PWP1: variants seen among roughly 807,000 people sequenced by gnomAD.
The protein encoded by PWP1 is periodic tryptophan protein 1 homolog.
PWP1 carries 47 observed loss-of-function variants against 69.9 expected under a neutral mutation model. The ratio of observed to expected loss-of-function variants is 0.67; its 90% CI spans 0.53 to 0.86. The LOEUF is 0.86. PWP1 is among the 40% of genes least tolerant of loss of function. The probability of loss-of-function intolerance (pLI) is 0.00; values close to 1 mark genes in which losing one functional copy is unlikely to be tolerated. For missense variants in PWP1, 551 were observed against 608.8 expected (o/e 0.91, Z 1.00); for synonymous variants, 222 against 208.2 (o/e 1.07, Z -0.57).
chr12:107,703,838 C>T, intron 10 of PWP1, 92 bp downstream of exon 10: 4 of 1,154,000 alleles, frequency 3.5e-6, no homozygotes, highest in Non-Finnish European at 3.9e-6. Context: ...CAGAATGTAT[C>T]CTTGAGGCCA....
intron 8 of PWP1, among the ~76,000 whole-genome samples, chr12:107,701,254 A>G (rs1889703621): frequency 6.6e-6 from 1 of 152,082 alleles, no homozygotes; most frequent in African/African-American, 2.4e-5. Flanking sequence ...CAGCCTCCCA[A>G]AGTGCTGGGA....
intron 14 of PWP1, 36 bp from the exon 15 acceptor site, chr12:107,712,075 A>T (rs1889962669): frequency 6.6e-7 from 1 of 1,526,098 alleles, no homozygotes; most frequent in Non-Finnish European, 9.1e-7. Context: ...TAATTTCCTG[A>T]TCTGTTAGTT....
chr12:107,685,867 T>A lies in PWP1; in HGVS notation c.-33T>A. On this transcript the variant is annotated 5_prime_UTR_variant, in exon 1 of 15. Coordinates refer to ENST00000412830, the MANE Select transcript of PWP1 (RefSeq NM_007062.3). The stretch of plus-strand genomic sequence containing the variant: ...CGTGGTCCCTCCCTATGCAGCCTGG[T>A]TTCTAGCGTGACACGCCCTTGACTT... 1.2e-6 allele frequency: 2 copies of A among 1,612,730 alleles called. No individual in the cohort carries two copies. The highest frequency in any genetic ancestry group is 1.7e-6 in the Non-Finnish European group (2 of 1,179,210).
chr12:107,699,312 A>G (rs1889656413), intron 7 of PWP1, 61 bp from the exon 8 acceptor site: 2 of 1,234,300 alleles, frequency 1.6e-6, no homozygotes, highest in East Asian at 4.7e-5. Context: ...GCAGATTAAT[A>G]TATTCAGTTT....
At chr12:107,695,343 CCA>C (rs1234929793) in intron 5 of PWP1, among the ~76,000 whole-genome samples, 3 of 152,020 alleles carry the variant, frequency 2.0e-5, no homozygotes, top group Non-Finnish European at 4.4e-5. Flanking sequence ...TTTTGTAGAA[CCA>C]CAGTCTAATA....
Position 107,692,249 on chromosome 12 carries a change from C to T in PWP1, c.320-565C>T, listed in dbSNP as rs140695212. 2.5e-4 allele frequency among the ~76,000 whole-genome samples: 38 copies of T among 152,294 alleles called. No individual in the cohort carries two copies. In the East Asian group the frequency reaches 6.0e-3, roughly 24 times the overall value. The stretch of plus-strand genomic sequence containing the variant: ...TTCCTGAGTTATCCTTTGTTACCAT[C>T]GTAGATGTGCCATAAAAGAATAATT... On this transcript the variant is annotated intron_variant, in intron 3 of 14. Coordinates refer to ENST00000412830, the MANE Select transcript of PWP1 (RefSeq NM_007062.3).
At position 107,708,999 on chromosome 12, in the gene PWP1, A is replaced by C; in HGVS notation, c.1151A>C (p.His384Pro). The C allele has an allele frequency of 6.2e-7, 1 of 1,613,890 alleles. No individual in the cohort carries two copies. Among genetic ancestry groups the C allele is most frequent in the South Asian group, 1.1e-5 (1 of 91,072 alleles). ...SDKPIFTLNA[H>P]NDEISGLDLS... Reference sequence around the variant, plus strand: ...AAGCCAATTTTTACACTTAATGCACACAATGATGAAATCTCTGGTGAGCAA... The same window carrying C: ...AAGCCAATTTTTACACTTAATGCACCCAATGATGAAATCTCTGGTGAGCAA... The change falls in exon 12 of 15, where the codon CAC becomes CCC. Residue 384 changes from histidine to proline, a missense_variant. Coordinates refer to ENST00000412830, the MANE Select transcript of PWP1 (RefSeq NM_007062.3).
intron 1 of PWP1, among the ~76,000 whole-genome samples, chr12:107,686,767 G>T (rs376393772): frequency 2.0e-5 from 3 of 152,006 alleles, no homozygotes; most frequent in Admixed American, 6.6e-5. Context: ...GAGATCGAGA[G>T]CATCCTGGCT....
In PWP1 at chr12:107,697,495, C is replaced by T. The variant is rs145716869; in HGVS notation, c.642C>T (p.Thr214=). Residue 214 remains threonine (T), a synonymous_variant, in exon 7 of 15, where the codon ACC becomes ACT. Coordinates refer to ENST00000412830, the MANE Select transcript of PWP1 (RefSeq NM_007062.3). ...ATTACATTGCTGTAGGAAACATGAC[C>T]CCTGTTATTGAAGTGTGGGACCTTG... ...TGNYIAVGNM[T]PVIEVWDLDI... is the part of the protein sequence containing the mutation. 2 of 1,600,152 alleles carry T rather than the reference C, an allele frequency of 1.2e-6. No individual in the cohort carries two copies. Among genetic ancestry groups the T allele is most frequent in the Non-Finnish European group, 1.7e-6 (2 of 1,174,666 alleles).
At chr12:107,702,189 TC>T (rs1889726602) in intron 8 of PWP1, among the ~76,000 whole-genome samples, 1 of 152,204 alleles carries the variant, frequency 6.6e-6, no homozygotes, top group African/African-American at 2.4e-5. Flanking sequence ...GTTCTTTTTT[TC>T]AGTACTATTT....
intron 11 of PWP1, among the ~76,000 whole-genome samples, chr12:107,707,607 G>T (rs746732865): frequency 7.2e-5 from 11 of 152,114 alleles, no homozygotes; most frequent in Admixed American, 3.3e-4. Context: ...TAGCATGAAG[G>T]GCTGTTGAAT....
intron 6 of PWP1, among the ~76,000 whole-genome samples, 157 bp from the exon 7 acceptor site, chr12:107,697,309 CA>C (rs1889608101): frequency 6.6e-6 from 1 of 152,184 alleles, no homozygotes; most frequent in South Asian, 2.1e-4. Context: ...ACCTGAAATA[CA>C]ATCTGCATTT....
At chr12:107,697,655 AG>A in intron 7 of PWP1, 58 bp downstream of exon 7, 1 of 1,495,022 alleles carries the variant, frequency 6.7e-7, no homozygotes, top group Non-Finnish European at 9.2e-7. Context: ...ACTCGGGAGT[AG>A]GGGTGAAGGG....
intron 1 of PWP1, among the ~76,000 whole-genome samples, chr12:107,687,921 C>T (rs752269987): frequency 6.6e-6 from 1 of 150,586 alleles, no homozygotes; most frequent in Non-Finnish European, 1.5e-5. Context: ...ATCCCAGCTG[C>T]TCAAGAGGCT....
chr12:107,686,303 C>A (rs1356989276), intron 1 of PWP1, among the ~76,000 whole-genome samples: 1 of 152,192 alleles, frequency 6.6e-6, no homozygotes, highest in African/African-American at 2.4e-5. Context: ...TTTGACAACA[C>A]CACTAGCTTC....
At chr12:107,711,260 A>C (rs918661779) in intron 14 of PWP1, among the ~76,000 whole-genome samples, 36 of 152,214 alleles carry the variant, frequency 2.4e-4, no homozygotes, top group Non-Finnish European at 3.1e-4. Context: ...AATGCCTTTA[A>C]GCAGTTTTCC....
At chr12:107,691,962 T>A (rs189680894) in intron 3 of PWP1, among the ~76,000 whole-genome samples, 1 of 152,328 alleles carries the variant, frequency 6.6e-6, no homozygotes, top group Non-Finnish European at 1.5e-5. Flanking sequence ...TTCATTCTTT[T>A]CACTGCATCT....
chr12:107,704,897 A>T (rs1342776883), intron 11 of PWP1, 150 bp downstream of exon 11: 17 of 566,982 alleles, frequency 3.0e-5, no homozygotes, highest in Non-Finnish European at 3.3e-5. Context: ...GTTTTTTTTT[A>T]AATAAGAGAA....
Position 107,702,946 on chromosome 12 carries a change from C to T in PWP1, c.818C>T (p.Ala273Val). The T allele has an allele frequency of 6.2e-7, 1 of 1,605,488 alleles. No homozygotes were observed. The highest frequency in any genetic ancestry group is 1.1e-5 in the South Asian group (1 of 90,912). The stretch of plus-strand genomic sequence containing the variant: ...CTTCCCTTTCTCAGAAATGTTTTAG[C>T]AAGTGCATCAGCTGACAACACTGTA... Reference protein sequence around the residue: ...SWNKLIRNVLASASADNTVIL... With the variant: ...SWNKLIRNVLVSASADNTVIL... The change falls in exon 9 of 15, where the codon GCA (alanine) becomes GTA (valine). Residue 273 changes from alanine (A) to valine (V), a missense_variant. Physicochemically the swap from Ala to Val is moderately conservative, Grantham distance 64 (BLOSUM62 0). Transcript: ENST00000412830.
Sources: allele counts gnomAD v4.1 joint callset (sites outside exome capture counted in the v4.1 genomes callset), GRCh38; gene constraint gnomAD v4.1.1; transcripts MANE v1.5; gene names NCBI Gene and HGNC (gene_info 2026-07-23, HGNC 2026-07-21).